The following SLC35D4 variants were observed in gnomAD, a reference collection of about 807,000 sequenced individuals.
SLC35D4 encodes solute carrier family 35 member D4, also known as UDP-N-acetylglucosamine transporter SLC35D4.
chr18:23,422,992 T>C, the SLC35D4 span, among the ~76,000 whole-genome samples: 2 of 152,230 alleles, frequency 1.3e-5, no homozygotes, highest in African/African-American at 4.8e-5. Context: ...CCCACCCATG[T>C]GTTGCGACAC....
chr18:23,414,777 G>T, the SLC35D4 span, among the ~76,000 whole-genome samples: 1 of 151,714 alleles, frequency 6.6e-6, no homozygotes, highest in East Asian at 1.9e-4. Context: ...GGAGTTTGAC[G>T]CCATCATGGA....
the SLC35D4 span, among the ~76,000 whole-genome samples, chr18:23,404,687 CA>C: frequency 7.2e-6 from 1 of 138,966 alleles, no homozygotes; most frequent in Non-Finnish European, 1.5e-5. Context: ...GACTCCATCT[CA>C]AAAAAAAAGG....
At chr18:23,287,768 C>T in the SLC35D4 span, among the ~76,000 whole-genome samples, 3 of 152,222 alleles carry the variant, frequency 2.0e-5, no homozygotes, top group Non-Finnish European at 4.4e-5. Flanking sequence ...TGACTCATCG[C>T]AACCCTTTTC....
chr18:23,333,878 C>T, the SLC35D4 span, among the ~76,000 whole-genome samples: 17,217 of 152,172 alleles, frequency 0.11, 1,078 homozygotes, highest in Middle Eastern at 0.18. Flanking sequence ...ATAATGGCTC[C>T]TAATTCCATT....
the SLC35D4 span, among the ~76,000 whole-genome samples, chr18:23,408,956 G>GA: frequency 2.0e-5 from 3 of 151,782 alleles, no homozygotes; most frequent in Admixed American, 6.6e-5. Context: ...CCAACATAGT[G>GA]AAACCCTGTC....
chr18:23,326,095 C>T, the SLC35D4 span, among the ~76,000 whole-genome samples: 1 of 152,240 alleles, frequency 6.6e-6, no homozygotes, highest in Admixed American at 6.5e-5. Flanking sequence ...CAGCAATATG[C>T]CTGGTGGCCC....
At chr18:23,275,084 TTG>T in the SLC35D4 span, among the ~76,000 whole-genome samples, 1 of 147,946 alleles carries the variant, frequency 6.8e-6, no homozygotes, top group South Asian at 2.2e-4. Context: ...GTGTGTGTGC[TTG>T]TGTGCGTGCT....
At chr18:23,363,664 A>G in the SLC35D4 span, among the ~76,000 whole-genome samples, 16 of 152,198 alleles carry the variant, frequency 1.1e-4, no homozygotes, top group African/African-American at 2.6e-4. Flanking sequence ...GTGAGTCACC[A>G]CGCCCGGCTG....
At chr18:23,411,483 T>TAAGAAAGAAAGAA in the SLC35D4 span, among the ~76,000 whole-genome samples, 1 of 91,810 alleles carries the variant, frequency 1.1e-5, no homozygotes. Flanking sequence ...AAGAAAGAGA[T>TAAGAAAGAAAGAA]AGAAAGAAAG....
chr18:23,378,486 GA>G, the SLC35D4 span, among the ~76,000 whole-genome samples: 15 of 152,004 alleles, frequency 9.9e-5, no homozygotes, highest in African/African-American at 3.1e-4. Flanking sequence ...AGAGACAAGG[GA>G]AAAAAAGGCA....
At chr18:23,434,562 G>A in the SLC35D4 span, among the ~76,000 whole-genome samples, 1 of 152,220 alleles carries the variant, frequency 6.6e-6, no homozygotes, top group Non-Finnish European at 1.5e-5. Context: ...AAGGCAAGGT[G>A]GGCAGATCGC....
chr18:23,262,768 A>C, the SLC35D4 span, among the ~76,000 whole-genome samples: 2 of 152,256 alleles, frequency 1.3e-5, no homozygotes, highest in Non-Finnish European at 2.9e-5. Context: ...AGCCGAGTAC[A>C]CAGATCACAA....
chr18:23,300,712 C>G, the SLC35D4 span, among the ~76,000 whole-genome samples: 1 of 152,224 alleles, frequency 6.6e-6, no homozygotes, highest in African/African-American at 2.4e-5. Flanking sequence ...TAAGTCAGAG[C>G]TTGACTGAAC....
chr18:23,279,623 A>C, the SLC35D4 span, among the ~76,000 whole-genome samples: 1 of 152,122 alleles, frequency 6.6e-6, no homozygotes, highest in Non-Finnish European at 1.5e-5. Flanking sequence ...GGAAGACAAC[A>C]TGAAGACACA....
chr18:23,315,025 T>G, the SLC35D4 span, among the ~76,000 whole-genome samples: 6 of 152,104 alleles, frequency 3.9e-5, no homozygotes, highest in Admixed American at 6.6e-5. Flanking sequence ...GTGGTGGTGG[T>G]GGGGGGTGTT....
At chr18:23,313,052 G>A in the SLC35D4 span, among the ~76,000 whole-genome samples, 3 of 147,334 alleles carry the variant, frequency 2.0e-5, no homozygotes, top group East Asian at 2.0e-4. Context: ...GCTGGAACCC[G>A]GGAGAGGGAG....
At chr18:23,290,795 T>A in the SLC35D4 span, among the ~76,000 whole-genome samples, 1 of 82,060 alleles carries the variant, frequency 1.2e-5, no homozygotes, top group African/African-American at 6.9e-5. Flanking sequence ...CCCTGCTAAT[T>A]TTTTTTTTTT....
At chr18:23,349,760 A>G in the SLC35D4 span, among the ~76,000 whole-genome samples, 1 of 152,132 alleles carries the variant, frequency 6.6e-6, no homozygotes, top group African/African-American at 2.4e-5. Flanking sequence ...GCCACGTCAA[A>G]TCTGTTGAGT....
chr18:23,404,992 C>CAAACAAAAAAAAAA, the SLC35D4 span, among the ~76,000 whole-genome samples: 1 of 44,480 alleles, frequency 2.2e-5, no homozygotes, highest in Non-Finnish European at 4.5e-5. Flanking sequence ...GACTCCGTCT[C>CAAACAAAAAAAAAA]AAAAAAAAAA....
Sources: gnomAD v4.1 joint callset for allele counts (sites outside exome capture counted in the v4.1 genomes callset) on GRCh38, gnomAD v4.1.1 for gene constraint, MANE v1.5 for transcripts, NCBI Gene and HGNC (gene_info 2026-07-23, HGNC 2026-07-21) for gene names.